UTS2B: variants seen among roughly 807,000 people sequenced by gnomAD.
UTS2B encodes urotensin 2B, also known as urotensin-2B.
In UTS2B, 21 loss-of-function variants were observed where a neutral mutation model predicts 19.2. That is an observed-to-expected ratio of 1.09 (90% confidence interval 0.78 to 1.58). The LOEUF is 1.58. Among genes scored for constraint, UTS2B ranks in the 40% most tolerant of loss-of-function variants. UTS2B has a pLI of 0.00. For missense variants in UTS2B, 138 were observed against 130.3 expected (o/e 1.06, Z -0.29); for synonymous variants, 57 against 50.2 (o/e 1.14, Z -0.58).
rs148277885 is a variant in UTS2B, at chr3:191,323,962, G to A, written c.-586+4669C>T. Among the ~76,000 whole-genome samples, 25 of 152,284 alleles carry A rather than the reference G, an allele frequency of 1.6e-4. 1 individual carries two copies. The East Asian group carries it at 4.4e-3, about 27-fold the overall frequency. On this transcript the variant is annotated intron_variant, in intron 2 of 8. Transcript: ENST00000340524. ...TGAGAGGAGTTGGCGGAGATGGTGC[G>A]ATGGCTTGAATGTTGTGCCTTCCAA...
Position 191,278,096 on chromosome 3 carries a change from CA to C in UTS2B, c.177del (p.Phe59LeufsTer11). 6.4e-7 allele frequency: 1 copy of C among 1,562,974 alleles called. No homozygotes were observed. Among genetic ancestry groups the C allele is most frequent in the Non-Finnish European group, 8.6e-7 (1 of 1,158,556 alleles). ...ELLLALLNKN[F>X]DFQRPFNTDL... ...CCAGTGTTGAAAGGTCTTTGGAAAT[CA>C]AAATTTTTATTCAGTAGAGCCAGCA... On this transcript the variant is annotated frameshift_variant, in exon 6 of 9. Coordinates refer to ENST00000340524, the MANE Select transcript of UTS2B (RefSeq NM_198152.5). LOFTEE classifies it high-confidence loss of function.
intron 1 of UTS2B, chr3:191,329,703 A>T: frequency 1.9e-6 from 3 of 1,610,636 alleles, no homozygotes; most frequent in Non-Finnish European, 2.5e-6. Context: ...GACCAGTCCA[A>T]GCTGCCTGGA....
chr3:191,284,213 G>C (rs1296392727), intron 4 of UTS2B, among the ~76,000 whole-genome samples: 1 of 151,966 alleles, frequency 6.6e-6, no homozygotes, highest in Non-Finnish European at 1.5e-5. Context: ...AAAAAGTGTT[G>C]ATGTAAACTG....
intron 7 of UTS2B, 68 bp from the exon 8 acceptor site, chr3:191,275,413 G>T: frequency 7.8e-7 from 1 of 1,278,910 alleles, no homozygotes; most frequent in Non-Finnish European, 1.1e-6. Flanking sequence ...GGGCGCGGTG[G>T]CTTATGCCTG....
intron 3 of UTS2B, among the ~76,000 whole-genome samples, chr3:191,309,435 A>C (rs1717230274): frequency 6.6e-6 from 1 of 151,834 alleles, no homozygotes; most frequent in Admixed American, 6.6e-5. Context: ...AGCCTCCCAA[A>C]GTGCTGGGAT....
chr3:191,270,908 A>G (rs1030177308), intron 8 of UTS2B, among the ~76,000 whole-genome samples: 3 of 152,138 alleles, frequency 2.0e-5, no homozygotes, highest in Non-Finnish European at 4.4e-5. Context: ...AGGCCTCCCA[A>G]AAAAAACTGT....
At chr3:191,335,092 C>A (rs367926509), upstream of UTS2B, among the ~76,000 whole-genome samples, 52 of 152,270 alleles carry the variant, frequency 3.4e-4, no homozygotes, top group East Asian at 6.7e-3. Context: ...ATGGTCTTTC[C>A]TCAGCCCTTG....
At chr3:191,276,308 G>A (rs80067382) in intron 7 of UTS2B, among the ~76,000 whole-genome samples, 2,137 of 152,232 alleles carry the variant, frequency 0.014, 50 homozygotes, top group African/African-American at 0.048. Flanking sequence ...GGAATTGCAC[G>A]GAGAAAAGGG....
intron 2 of UTS2B, among the ~76,000 whole-genome samples, chr3:191,321,983 C>T (rs11927088): frequency 0.28 from 42,123 of 151,968 alleles, 7,692 homozygotes; most frequent in African/African-American, 0.51. Flanking sequence ...GCTAAGATTG[C>T]GCCATTGCAC....
At chr3:191,306,661 G>C (rs1472746170) in intron 3 of UTS2B, among the ~76,000 whole-genome samples, 1 of 152,254 alleles carries the variant, frequency 6.6e-6, no homozygotes, top group South Asian at 2.1e-4. Context: ...GTTTGAGACG[G>C]AGTCTCTTGT....
chr3:191,312,151 CAAAA>C (rs1217233342), intron 3 of UTS2B, among the ~76,000 whole-genome samples: 5 of 77,176 alleles, frequency 6.5e-5, no homozygotes, highest in Non-Finnish European at 5.5e-5. Flanking sequence ...GATTCTGTCT[CAAAA>C]AAAAAAAAAA....
chr3:191,296,749 G>A (rs756042352), intron 4 of UTS2B, among the ~76,000 whole-genome samples: 3 of 152,180 alleles, frequency 2.0e-5, no homozygotes, highest in Non-Finnish European at 4.4e-5. Flanking sequence ...AGGAAAGCGG[G>A]AGGCTGAGTG....
At chr3:191,280,631 G>A (rs1462946819) in intron 5 of UTS2B, among the ~76,000 whole-genome samples, 2 of 152,064 alleles carry the variant, frequency 1.3e-5, no homozygotes, top group African/African-American at 4.8e-5. Flanking sequence ...GCACCACTGT[G>A]CTGTCAGTGA....
intron 3 of UTS2B, among the ~76,000 whole-genome samples, chr3:191,310,110 GCAC>G (rs1560144221): frequency 6.6e-6 from 1 of 151,732 alleles, no homozygotes; most frequent in African/African-American, 2.4e-5. Context: ...CTACAGGTGC[GCAC>G]CACCATGCCT....
At chr3:191,282,060 T>C (rs1188382216) in intron 5 of UTS2B, 27 bp downstream of exon 5, 1 of 1,493,596 alleles carries the variant, frequency 6.7e-7, no homozygotes. Flanking sequence ...TACCCACCTG[T>C]AGGATTTTTA....
At chr3:191,343,917 A>C in the UTS2B span, among the ~76,000 whole-genome samples, 1 of 152,238 alleles carries the variant, frequency 6.6e-6, no homozygotes, top group African/African-American at 2.4e-5. Flanking sequence ...TGTGTCTGTG[A>C]CTATATCTGC....
chr3:191,329,939 GGTT>G (rs1717898586), intron 1 of UTS2B, among the ~76,000 whole-genome samples: 1 of 91,324 alleles, frequency 1.1e-5, no homozygotes, highest in Non-Finnish European at 1.9e-5. Flanking sequence ...TCAAGGGGGT[GGTT>G]GGGGGGGGGG....
At chr3:191,276,711 T>C (rs1716245277) in intron 7 of UTS2B, 96 bp downstream of exon 7, 8 of 1,021,448 alleles carry the variant, frequency 7.8e-6, no homozygotes, top group East Asian at 2.7e-5. Context: ...TTTTACATTG[T>C]AGTATTAATA....
In UTS2B at chr3:191,301,692, A is replaced by T. The variant is rs528118784; in HGVS notation, c.-125+2800T>A. ...TTTTAGTAGAGACGGGGTTTCACCG[A>T]GTTAGCCAGGATGGTCTCGATCTCC... On this transcript the variant is annotated intron_variant, in intron 4 of 8. Coordinates refer to ENST00000340524, the MANE Select transcript of UTS2B (RefSeq NM_198152.5). Among the ~76,000 whole-genome samples, 481 of 151,504 alleles carry T rather than the reference A, an allele frequency of 3.2e-3. 7 individuals carry two copies. The highest frequency in any genetic ancestry group is 0.02 in the Admixed American group (306 of 15,214).
Sources: gnomAD v4.1 joint callset for allele counts (sites outside exome capture counted in the v4.1 genomes callset) on GRCh38, gnomAD v4.1.1 for gene constraint, MANE v1.5 for transcripts, NCBI Gene and HGNC (gene_info 2026-07-23, HGNC 2026-07-21) for gene names.